Variants in CRYL1 observed in about 807,000 individuals in gnomAD.
The protein encoded by CRYL1 is crystallin lambda 1, also known as lambda-crystallin homolog.
In CRYL1, 29 loss-of-function variants were observed where a neutral mutation model predicts 36.6. The ratio of observed to expected loss-of-function variants is 0.79; its 90% CI spans 0.59 to 1.08. The LOEUF (loss-of-function observed/expected upper bound fraction) is 1.08, where lower values mean the gene tolerates loss of function less well. Ranked by LOEUF, CRYL1 falls within the 50% of genes least tolerant of loss-of-function variation. CRYL1 has a pLI of 0.00. For missense variants in CRYL1, 411 were observed against 407.9 expected, an observed-to-expected ratio of 1.01 and a Z score of -0.06; for synonymous variants, 152 against 151.5, an observed-to-expected ratio of 1.00 and a Z score of -0.02.
chr13:20,490,767 G>C (rs994496155), intron 2 of CRYL1, among the ~76,000 whole-genome samples: 1 of 152,120 alleles, frequency 6.6e-6, no homozygotes, highest in Non-Finnish European at 1.5e-5. Context: ...AGTAGGCTTC[G>C]GGGCATGTGG....
chr13:20,514,777 C>T (rs1278549917), intron 1 of CRYL1, among the ~76,000 whole-genome samples: 2 of 152,078 alleles, frequency 1.3e-5, no homozygotes, highest in Admixed American at 1.3e-4. Context: ...CATATGAAAA[C>T]TCTCTATACT....
intron 6 of CRYL1, among the ~76,000 whole-genome samples, chr13:20,412,545 CAT>C (rs1417260908): frequency 6.6e-6 from 1 of 152,166 alleles, no homozygotes; most frequent in Non-Finnish European, 1.5e-5. Context: ...AGATTTTATA[CAT>C]AGTTTTAAAA....
intron 3 of CRYL1, among the ~76,000 whole-genome samples, chr13:20,479,899 C>A (rs2033242208): frequency 6.6e-6 from 1 of 152,164 alleles, no homozygotes. Context: ...CCCCTGCGCT[C>A]TCCCACGGCA....
chr13:20,503,231 G>A (rs984615827), intron 2 of CRYL1, among the ~76,000 whole-genome samples: 9 of 152,170 alleles, frequency 5.9e-5, no homozygotes, highest in African/African-American at 2.2e-4. Flanking sequence ...AGTGATAGCA[G>A]GATCTGTGAA....
In CRYL1 at chr13:20,432,102, C is replaced by T. The variant is rs199940587; in HGVS notation, c.633G>A (p.Glu211=). ...AIISEAWRLV[E]EGIVSPSDLD... ...AGGGAGAGAGGACGGGCACACACACCTCCACTAGCCGCCAGGCCTCGCTGA... is the reference window on the plus strand; with the variant it reads ...AGGGAGAGAGGACGGGCACACACACTTCCACTAGCCGCCAGGCCTCGCTGA... The change falls in exon 5 of 8, where the codon GAG becomes GAA. Residue 211 remains glutamate (E), a splice_region_variant and synonymous_variant. Coordinates refer to ENST00000298248, the MANE Select transcript of CRYL1 (RefSeq NM_015974.3). 40 of 1,614,104 alleles carry T rather than the reference C, an allele frequency of 2.5e-5. No homozygotes were observed. The African/African-American group carries it at 5.2e-4, about 21-fold the overall frequency.
chr13:20,435,902 G>A lies in CRYL1; in HGVS notation c.439-3606C>T, dbSNP rs75676440. Among the ~76,000 whole-genome samples the A allele has an allele frequency of 0.18, 27,641 of 152,094 alleles. 2,776 individuals carry two copies. The highest frequency in any genetic ancestry group is 0.36 in the East Asian group (1,824 of 5,100). On this transcript the variant is annotated intron_variant, in intron 4 of 7. Coordinates refer to ENST00000298248, the MANE Select transcript of CRYL1 (RefSeq NM_015974.3). The surrounding 1 kb of genome is among the most constrained non-coding windows in gnomAD (Gnocchi z 4.0). ...GGCTGGGGCCTCTTGCCAGCCCTCG[G>A]TGTTCGATGCTTCATGGGTAGCCCA... is the stretch of plus-strand genomic sequence containing the variant.
At chr13:20,507,732 C>A (rs996928248) in intron 2 of CRYL1, among the ~76,000 whole-genome samples, 1 of 152,016 alleles carries the variant, frequency 6.6e-6, no homozygotes, top group Non-Finnish European at 1.5e-5. Flanking sequence ...TCCTGGCTAA[C>A]ACAGTGAAAC....
chr13:20,466,032 C>T lies in CRYL1; in HGVS notation c.276+23338G>A, dbSNP rs371422918. On this transcript the variant is annotated intron_variant, in intron 3 of 7. Transcript: ENST00000298248. ...ACATCAGCTTCCCTTCACCTTCTGC[C>T]ATGGGTGGGAGCAGCCTAAAGCCCT... Among the ~76,000 whole-genome samples the T allele has an allele frequency of 5.4e-3, 819 of 152,076 alleles. 10 individuals carry two copies. Among genetic ancestry groups the T allele is most frequent in the African/African-American group, 0.019 (781 of 41,466 alleles).
chr13:20,465,169 T>G (rs1027413121), intron 3 of CRYL1, among the ~76,000 whole-genome samples: 2 of 152,176 alleles, frequency 1.3e-5, no homozygotes, highest in South Asian at 4.1e-4. Flanking sequence ...ATATCAGACT[T>G]TTAAATATCC....
intron 5 of CRYL1, among the ~76,000 whole-genome samples, chr13:20,422,508 G>A (rs1028827931): frequency 1.3e-5 from 2 of 152,170 alleles, no homozygotes; most frequent in Non-Finnish European, 2.9e-5. Flanking sequence ...AGGTACAAAC[G>A]TGCTCCCTTG....
intron 1 of CRYL1, among the ~76,000 whole-genome samples, chr13:20,516,990 C>G (rs1237852383): frequency 1.3e-5 from 2 of 152,110 alleles, no homozygotes; most frequent in Non-Finnish European, 2.9e-5. Flanking sequence ...AGGAGGATCA[C>G]TTGAGCCCAG....
At chr13:20,488,257 A>T (rs181752266) in intron 3 of CRYL1, among the ~76,000 whole-genome samples, 128 of 152,328 alleles carry the variant, frequency 8.4e-4, no homozygotes, top group African/African-American at 3.0e-3. Context: ...AGCACCTGCA[A>T]CTACGGGTAG....
At chr13:20,510,455 C>A (rs373973036) in intron 2 of CRYL1, among the ~76,000 whole-genome samples, 1 of 151,806 alleles carries the variant, frequency 6.6e-6, no homozygotes, top group Non-Finnish European at 1.5e-5. Context: ...ACTGTGGAGA[C>A]CGTAAAAGGA....
At chr13:20,524,207 AG>A (rs1441541793) in intron 1 of CRYL1, among the ~76,000 whole-genome samples, 2 of 152,226 alleles carry the variant, frequency 1.3e-5, no homozygotes, top group African/African-American at 4.8e-5. Context: ...TGGGCGACAG[AG>A]CGAGACCCTA....
chr13:20,434,655 G>T (rs980534384), intron 4 of CRYL1, among the ~76,000 whole-genome samples: 3 of 123,708 alleles, frequency 2.4e-5, no homozygotes, highest in Admixed American at 9.4e-5. Flanking sequence ...AACCCACTCC[G>T]CTGTCTTTCC....
chr13:20,467,183 A>G (rs9509236), intron 3 of CRYL1, among the ~76,000 whole-genome samples: 145,434 of 151,322 alleles, frequency 0.96, 70,142 homozygotes, highest in East Asian at 1. Context: ...TCCTGACCTC[A>G]TGATCTGCCC....
At chr13:20,412,714 G>T (rs1183165183) in intron 6 of CRYL1, among the ~76,000 whole-genome samples, 1 of 152,046 alleles carries the variant, frequency 6.6e-6, no homozygotes, top group Non-Finnish European at 1.5e-5. Context: ...ACAGATAATG[G>T]GCTCAGACCT....
At position 20,404,171 on chromosome 13, in the gene CRYL1, G is replaced by T; in HGVS notation, c.918C>A (p.Leu306=). The T allele has an allele frequency of 6.2e-7, 1 of 1,614,056 alleles. No individual in the cohort carries two copies. The highest frequency in any genetic ancestry group is 2.2e-5 in the East Asian group (1 of 44,884). The change falls in exon 8 of 8, where the codon CTC becomes CTA. Residue 306 remains leucine, a synonymous_variant. Coordinates refer to ENST00000298248, the MANE Select transcript of CRYL1 (RefSeq NM_015974.3). ...AARRQWRDEC[L]MRLAKLKSQV... ...GACTCTTCAACTTGGCGAGTCTCAT[G>T]AGGCACTCGTCCCTCCACTGCCTCC... is the stretch of plus-strand genomic sequence containing the variant.
intron 1 of CRYL1, among the ~76,000 whole-genome samples, chr13:20,521,080 G>C (rs1439242349): frequency 7.9e-6 from 1 of 126,392 alleles, no homozygotes; most frequent in Non-Finnish European, 1.6e-5. Flanking sequence ...TCCAGCCTGG[G>C]TGAAAGAGCG....
Sources: gnomAD v4.1 joint callset for allele counts (sites outside exome capture counted in the v4.1 genomes callset) on GRCh38, gnomAD v4.1.1 for gene constraint, Gnocchi (gnomAD v3.1) non-coding constraint, MANE v1.5 for transcripts, NCBI Gene and HGNC (gene_info 2026-07-23, HGNC 2026-07-21) for gene names.